PCDH9: variants seen among roughly 807,000 people sequenced by gnomAD.
PCDH9 encodes the protein protocadherin 9, also known as protocadherin-9.
In PCDH9, 24 loss-of-function variants were observed where a neutral mutation model predicts 70.6. That is an observed-to-expected ratio of 0.34 (90% CI 0.25 to 0.48). The LOEUF (loss-of-function observed/expected upper bound fraction) is 0.48, where lower values mean the gene tolerates loss of function less well. PCDH9 is among the 20% of genes least tolerant of loss of function. The pLI, the probability that PCDH9 is intolerant of heterozygous loss-of-function variation, is 0.99. For synonymous variants in PCDH9, 562 were observed against 558.5 expected, an observed-to-expected ratio of 1.01 and a Z score of -0.09; for missense variants, 1,281 against 1,503.6, an observed-to-expected ratio of 0.85 and a Z score of 2.45.
At chr13:66,315,391 T>G (rs1023391520) in intron 4 of PCDH9, among the ~76,000 whole-genome samples, 7 of 152,212 alleles carry the variant, frequency 4.6e-5, no homozygotes, top group African/African-American at 1.7e-4. Context: ...ATTTGTTACA[T>G]CTGTTTTTTA....
intron 4 of PCDH9, among the ~76,000 whole-genome samples, chr13:66,547,874 AATAATATGATATTTAATC>A (rs1961277345): frequency 6.9e-6 from 1 of 145,798 alleles, no homozygotes; most frequent in African/African-American, 2.5e-5. Context: ...ATTATTATAT[AATAATATGATATTTAATC>A]ATATTATTAT....
intron 4 of PCDH9, among the ~76,000 whole-genome samples, chr13:66,363,170 C>G (rs1204141117): frequency 6.6e-6 from 1 of 152,082 alleles, no homozygotes; most frequent in African/African-American, 2.4e-5. Flanking sequence ...CAGAGCAAGA[C>G]TCTCTCTCAA....
chr13:67,116,327 A>T (rs2086773513), intron 2 of PCDH9, among the ~76,000 whole-genome samples: 1 of 152,192 alleles, frequency 6.6e-6, no homozygotes. Flanking sequence ...TCTCTATTTA[A>T]GAAATCCTAT....
At chr13:66,789,151 C>T (rs1003425333) in intron 3 of PCDH9, among the ~76,000 whole-genome samples, 1 of 152,154 alleles carries the variant, frequency 6.6e-6, no homozygotes, top group Non-Finnish European at 1.5e-5. Context: ...CTACTGTCTT[C>T]TTTAATCTTC....
chr13:66,659,745 C>G (rs1318350237), intron 3 of PCDH9, among the ~76,000 whole-genome samples: 2 of 151,750 alleles, frequency 1.3e-5, no homozygotes, highest in African/African-American at 2.4e-5. Flanking sequence ...TCTATATCTT[C>G]TGTTCTCAAC....
chr13:66,419,382 C>T (rs1957522065), intron 4 of PCDH9, among the ~76,000 whole-genome samples: 1 of 151,872 alleles, frequency 6.6e-6, no homozygotes, highest in Admixed American at 6.6e-5. Flanking sequence ...GGAATAGGAA[C>T]ATCTTCAGCC....
Position 66,421,891 on chromosome 13 carries a change from G to A in PCDH9, c.3341-116863C>T, listed in dbSNP as rs142226851. ...ATTGGATAAAGAGTCAAGACCCATC[G>A]GTGTGCTGTATTCAGGAGACCCATC... On this transcript the variant is annotated intron_variant, in intron 4 of 4. Coordinates refer to ENST00000377865, the MANE Select transcript of PCDH9 (RefSeq NM_203487.3). Among the ~76,000 whole-genome samples the A allele has an allele frequency of 3.7e-3, 561 of 152,170 alleles. 16 individuals are homozygous for A. In the East Asian group the frequency reaches 0.06, roughly 16 times the overall value.
rs2088590422 is a variant in PCDH9, at chr13:67,180,612, T to C, written c.3036+44793A>G. 2.6e-5 allele frequency among the ~76,000 whole-genome samples: 4 copies of C among 152,172 alleles called. 1 individual carries two copies. In the South Asian group the frequency reaches 8.3e-4, roughly 31 times the overall value. On this transcript the variant is annotated intron_variant, in intron 2 of 4. Coordinates refer to ENST00000377865, the MANE Select transcript of PCDH9 (RefSeq NM_203487.3). Reference sequence around the variant, plus strand: ...AAGACTCTGCATGGCCTATGTCCATTTAAAATAACTATTCAAAATTCCCTG... The same window carrying C: ...AAGACTCTGCATGGCCTATGTCCATCTAAAATAACTATTCAAAATTCCCTG...
At chr13:66,346,024 T>C (rs1435150278) in intron 4 of PCDH9, among the ~76,000 whole-genome samples, 1 of 151,918 alleles carries the variant, frequency 6.6e-6, no homozygotes, top group African/African-American at 2.4e-5. Context: ...CGTCAGATGG[T>C]AAATAGCTAA....
At chr13:66,622,553 A>G (rs1435963222) in intron 4 of PCDH9, among the ~76,000 whole-genome samples, 3 of 152,096 alleles carry the variant, frequency 2.0e-5, no homozygotes, top group Non-Finnish European at 2.9e-5. Flanking sequence ...GAATGCACCA[A>G]TCCACACTCT....
At chr13:66,620,920 G>A (rs1298030370) in intron 4 of PCDH9, among the ~76,000 whole-genome samples, 2 of 152,000 alleles carry the variant, frequency 1.3e-5, no homozygotes, top group East Asian at 1.9e-4. Flanking sequence ...CAAACCTAAC[G>A]TACTACCTAG....
intron 4 of PCDH9, among the ~76,000 whole-genome samples, chr13:66,341,542 G>C (rs1376483722): frequency 2.6e-5 from 4 of 152,136 alleles, no homozygotes; most frequent in Non-Finnish European, 5.9e-5. Context: ...CAGATCTCCT[G>C]AATCTGAACC....
At chr13:66,920,539 C>T (rs947591589) in intron 2 of PCDH9, among the ~76,000 whole-genome samples, 1 of 150,924 alleles carries the variant, frequency 6.6e-6, no homozygotes, top group Admixed American at 6.6e-5. Context: ...GAGTGAATGA[C>T]CTTCTATAAA....
At chr13:67,176,343 A>G (rs569830687) in intron 2 of PCDH9, among the ~76,000 whole-genome samples, 49 of 152,222 alleles carry the variant, frequency 3.2e-4, no homozygotes, top group African/African-American at 1.2e-3. Flanking sequence ...TCAATCCCCC[A>G]TGCTTAACCA....
intron 3 of PCDH9, among the ~76,000 whole-genome samples, chr13:66,715,832 A>G (rs542512256): frequency 6.6e-6 from 1 of 152,358 alleles, no homozygotes; most frequent in South Asian, 2.1e-4. Flanking sequence ...GGTTTAACTT[A>G]AAGAAAAGCT....
chr13:66,419,634 CT>C lies in PCDH9; in HGVS notation c.3341-114607del, dbSNP rs1957526694. On this transcript the variant is annotated intron_variant, in intron 4 of 4. Transcript: ENST00000377865. The stretch of plus-strand genomic sequence containing the variant: ...GGTGCATTCCAGCCAAGATGCTATG[CT>C]TTTCCCATGGTTTTTGCAACCCATA... Among the ~76,000 whole-genome samples the C allele has an allele frequency of 3.9e-5, 6 of 152,224 alleles. No individual in the cohort carries two copies. The South Asian group carries it at 1.2e-3, about 32-fold the overall frequency.
chr13:66,628,196 CA>C (rs1204515466), intron 4 of PCDH9, among the ~76,000 whole-genome samples: 1 of 152,192 alleles, frequency 6.6e-6, no homozygotes, highest in Non-Finnish European at 1.5e-5. Flanking sequence ...TACCAACCAT[CA>C]ACAACCTGCT....
intron 3 of PCDH9, among the ~76,000 whole-genome samples, chr13:66,833,625 A>G (rs1024068359): frequency 6.6e-6 from 1 of 152,210 alleles, no homozygotes; most frequent in South Asian, 2.1e-4. Flanking sequence ...GGCATGTGAT[A>G]GAAACCTAAT....
rs1958987614 is a variant in PCDH9, at chr13:66,488,766, G to A, written c.3340+142444C>T. ...TGATAGCTCAATTCTATGTGAGAAG[G>A]ATCAATTATTTAATAAAAGTTGCTG... On this transcript the variant is annotated intron_variant, in intron 4 of 4. Coordinates refer to ENST00000377865, the MANE Select transcript of PCDH9 (RefSeq NM_203487.3). Among the ~76,000 whole-genome samples, 2 of 152,078 alleles carry A rather than the reference G, an allele frequency of 1.3e-5. 1 individual carries two copies. The highest frequency in any genetic ancestry group is 2.9e-5 in the Non-Finnish European group (2 of 68,002).
Sources: allele counts gnomAD v4.1 joint callset (sites outside exome capture counted in the v4.1 genomes callset), GRCh38; gene constraint gnomAD v4.1.1; transcripts MANE v1.5; gene names NCBI Gene and HGNC (gene_info 2026-07-23, HGNC 2026-07-21).